CUX1: variants seen among roughly 807,000 people sequenced by gnomAD.
CUX1 encodes protein CASP.
Under a neutral mutation model 158.8 loss-of-function variants are expected in CUX1, and 31 were observed. The observed-to-expected ratio is 0.20, with a 90% CI of 0.15 to 0.26. CUX1 has a LOEUF of 0.26. Among genes scored for constraint, CUX1 ranks in the 10% least tolerant of loss-of-function variants. The probability of loss-of-function intolerance (pLI) is 1.00; values close to 1 mark genes in which losing one functional copy is unlikely to be tolerated. For synonymous variants in CUX1, 879 were observed against 862.1 expected (o/e 1.02, Z -0.34); for missense variants, 1,589 against 2,014.6 (o/e 0.79, Z 4.04).
At chr7:101,860,715 CTCTTT>C (rs909508770) in intron 1 of CUX1, among the ~76,000 whole-genome samples, 23 of 150,634 alleles carry the variant, frequency 1.5e-4, no homozygotes, top group African/African-American at 4.4e-4. Flanking sequence ...TATCCTCTCT[CTCTTT>C]TATCTCCCCT....
chr7:102,176,202 C>T (rs1164249908), intron 10 of CUX1, among the ~76,000 whole-genome samples: 1 of 152,238 alleles, frequency 6.6e-6, no homozygotes, highest in East Asian at 1.9e-4. Context: ...CCTCATTTTC[C>T]CCGAGGGAGA....
At chr7:102,078,372 A>G (rs1173811259) in intron 4 of CUX1, among the ~76,000 whole-genome samples, 1 of 152,170 alleles carries the variant, frequency 6.6e-6, no homozygotes, top group African/African-American at 2.4e-5. Context: ...CACCACACCC[A>G]GCCTAGTAAT....
chr7:102,136,474 C>T (rs1254389620), intron 8 of CUX1, among the ~76,000 whole-genome samples: 5 of 152,036 alleles, frequency 3.3e-5, no homozygotes, highest in Admixed American at 6.6e-5. Context: ...TCACTGCAAC[C>T]TCCACCTCCC....
chr7:101,882,605 T>C (rs1396296396), intron 1 of CUX1, among the ~76,000 whole-genome samples: 1 of 152,216 alleles, frequency 6.6e-6, no homozygotes, highest in Admixed American at 6.5e-5. Flanking sequence ...CTTTTCACTT[T>C]GGAGCTCAGG....
chr7:102,014,513 C>T (rs890855181), intron 2 of CUX1, among the ~76,000 whole-genome samples: 4 of 152,116 alleles, frequency 2.6e-5, no homozygotes, highest in African/African-American at 9.7e-5. Flanking sequence ...TCTTTGGTGC[C>T]CTTGAATGGA....
intron 2 of CUX1, among the ~76,000 whole-genome samples, chr7:102,009,553 A>G (rs988879892): frequency 6.6e-6 from 1 of 152,214 alleles, no homozygotes; most frequent in African/African-American, 2.4e-5. Context: ...TTGGCCTCCC[A>G]AAGTGTTGAG....
intron 2 of CUX1, among the ~76,000 whole-genome samples, chr7:101,920,874 G>T (rs911085163): frequency 4.6e-5 from 7 of 151,686 alleles, no homozygotes; most frequent in Non-Finnish European, 1.0e-4. Flanking sequence ...TGTTTTTTTT[G>T]GAATATAGTG....
chr7:101,966,077 T>C (rs183243110), intron 2 of CUX1, among the ~76,000 whole-genome samples: 1 of 152,212 alleles, frequency 6.6e-6, no homozygotes, highest in East Asian at 1.9e-4. Flanking sequence ...TGTTTTGTTT[T>C]GTTTTGGGAC....
chr7:102,167,017 C>CAG lies in CUX1; in HGVS notation c.724-3428_724-3427dup, dbSNP rs782377301. 2.6e-5 allele frequency among the ~76,000 whole-genome samples: 4 copies of CAG among 152,078 alleles called. No individual in the cohort carries two copies. The East Asian group carries it at 7.7e-4, about 29-fold the overall frequency. On this transcript the variant is annotated intron_variant, in intron 9 of 23. Transcript: ENST00000292535. ...GCGCGGTGGCTCACACCTGTAATCC[C>CAG]AGCACTTTGGGAGGCCGAGGCAGGT...
At chr7:101,899,824 A>G (rs1193539100) in intron 1 of CUX1, among the ~76,000 whole-genome samples, 3 of 152,150 alleles carry the variant, frequency 2.0e-5, no homozygotes, top group African/African-American at 4.8e-5. Context: ...ACCTAGGATG[A>G]AGAGGGGGCC....
chr7:101,868,153 G>A (rs1368997240), intron 1 of CUX1, among the ~76,000 whole-genome samples: 4 of 152,196 alleles, frequency 2.6e-5, no homozygotes, highest in South Asian at 2.1e-4. Context: ...AAGCCAACTT[G>A]TGAGTAGAAT....
At chr7:101,895,698 A>G (rs1404293976) in intron 1 of CUX1, among the ~76,000 whole-genome samples, 2 of 152,104 alleles carry the variant, frequency 1.3e-5, no homozygotes, top group Admixed American at 6.5e-5. Context: ...TTCAGAAGGA[A>G]TTCATGGCTG....
chr7:101,916,319 A>G lies in CUX1; in HGVS notation c.141+94A>G. ...TCCGTGAGCGTTTCATTTTCATCAG[A>G]TGAACGCACGGCCGGCAAACAACCC... is the stretch of plus-strand genomic sequence containing the variant. On this transcript the variant is annotated intron_variant, in intron 2 of 23. Coordinates refer to ENST00000292535, the MANE Select transcript of CUX1 (RefSeq NM_181552.4). The surrounding 1 kb of genome is among the most constrained non-coding windows in gnomAD (Gnocchi z 4.4). 1.2e-6 allele frequency: 1 copy of G among 810,236 alleles called. No individual in the cohort carries two copies. The highest frequency in any genetic ancestry group is 2.1e-6 in the Non-Finnish European group (1 of 465,778). The allele number at this position is 810,236 out of a possible 1,614,324, so 50.2% of individuals were successfully genotyped here.
intron 1 of CUX1, among the ~76,000 whole-genome samples, chr7:101,841,286 A>G (rs1795173330): frequency 1.3e-5 from 2 of 151,960 alleles, no homozygotes; most frequent in East Asian, 3.8e-4. Context: ...TTCTGTGATC[A>G]TAGTATTTTT....
intron 2 of CUX1, among the ~76,000 whole-genome samples, chr7:102,024,704 T>G (rs1819784026): frequency 6.6e-6 from 1 of 152,136 alleles, no homozygotes; most frequent in African/African-American, 2.4e-5. Flanking sequence ...GGCCCCATGG[T>G]CGTTTTCCCT....
chr7:102,219,173 T>A (rs1261360135), intron 20 of CUX1, among the ~76,000 whole-genome samples: 1 of 151,878 alleles, frequency 6.6e-6, no homozygotes, highest in Non-Finnish European at 1.5e-5. Flanking sequence ...CTTATCCTAT[T>A]CTTTCTTTAG....
intron 1 of CUX1, among the ~76,000 whole-genome samples, chr7:101,859,197 C>A (rs1390144014): frequency 6.6e-6 from 1 of 152,140 alleles, no homozygotes; most frequent in African/African-American, 2.4e-5. Context: ...GAGAGCAGAG[C>A]CCTAGAGTAA....
chr7:101,910,526 C>T (rs567067925), intron 1 of CUX1, among the ~76,000 whole-genome samples: 2 of 152,092 alleles, frequency 1.3e-5, no homozygotes, highest in Non-Finnish European at 2.9e-5. Flanking sequence ...CAGGCCAAGG[C>T]GGGCAGATCG....
intron 8 of CUX1, among the ~76,000 whole-genome samples, chr7:102,145,434 G>A (rs913891527): frequency 6.6e-6 from 1 of 150,662 alleles, no homozygotes; most frequent in African/African-American, 2.4e-5. Flanking sequence ...TCTCGCGATG[G>A]TGTCAGGTAC....
Sources: gnomAD v4.1 joint callset for allele counts (sites outside exome capture counted in the v4.1 genomes callset) on GRCh38, gnomAD v4.1.1 for gene constraint, Gnocchi (gnomAD v3.1) non-coding constraint, MANE v1.5 for transcripts, NCBI Gene and HGNC (gene_info 2026-07-23, HGNC 2026-07-21) for gene names.